NCOA6: variants seen among roughly 807,000 people sequenced by gnomAD.
NCOA6 encodes the protein NRC RAP250.
NCOA6 carries 49 observed loss-of-function variants against 171.4 expected under a neutral mutation model. The observed-to-expected ratio is 0.29, with a 90% CI of 0.23 to 0.36. The LOEUF (loss-of-function observed/expected upper bound fraction) is 0.36. Ranked by LOEUF, NCOA6 falls within the 10% of genes least tolerant of loss-of-function variation. The pLI, the probability that NCOA6 is intolerant of heterozygous loss-of-function variation, is 1.00. For missense variants in NCOA6, 2,248 were observed against 2,554.5 expected (o/e 0.88, Z 2.59); for synonymous variants, 910 against 927.5 (o/e 0.98, Z 0.34).
intron 12 of NCOA6, 114 bp downstream of exon 12, chr20:34,736,576 A>G: frequency 2.3e-6 from 2 of 862,904 alleles, no homozygotes; most frequent in East Asian, 2.7e-5. Context: ...AAGCAAACAG[A>G]TAAAATAGTT....
intron 1 of NCOA6, among the ~76,000 whole-genome samples, chr20:34,809,714 C>A (rs2078588497): frequency 6.6e-6 from 1 of 152,190 alleles, no homozygotes. Flanking sequence ...CGCCTGTAAT[C>A]CCAGCACTTT....
chr20:34,783,680 G>GGGGCACAA (rs2077577408), intron 2 of NCOA6, among the ~76,000 whole-genome samples: 1 of 152,120 alleles, frequency 6.6e-6, no homozygotes, highest in African/African-American at 2.4e-5. Context: ...CTGCACTGCG[G>GGGGCACAA]TGGCACAATT....
intron 13 of NCOA6, among the ~76,000 whole-genome samples, chr20:34,729,591 G>A (rs1990368886): frequency 3.9e-5 from 6 of 152,094 alleles, no homozygotes; most frequent in African/African-American, 1.2e-4. Context: ...TCAAAAGGCT[G>A]CCTCTTCTGG....
chr20:34,795,570 G>A (rs752858361), intron 1 of NCOA6, among the ~76,000 whole-genome samples: 4 of 152,164 alleles, frequency 2.6e-5, no homozygotes, highest in Non-Finnish European at 5.9e-5. Context: ...AATAAAACTG[G>A]TCTGGTCTCT....
chr20:34,739,041 C>T (rs1174135605), intron 11 of NCOA6: 1 of 433,032 alleles, frequency 2.3e-6, no homozygotes, highest in Non-Finnish European at 4.8e-6. Context: ...AGAGCTTCTT[C>T]ACTTAAGCCT....
In NCOA6 at chr20:34,781,418, A is replaced by C. The variant is rs539432199; in HGVS notation, c.235+703T>G. 2.6e-5 allele frequency among the ~76,000 whole-genome samples: 4 copies of C among 152,330 alleles called. No individual in the cohort carries two copies. In the East Asian group the frequency reaches 7.7e-4, roughly 29 times the overall value. On this transcript the variant is annotated intron_variant, in intron 3 of 14. Transcript: ENST00000359003. ...CCGTAAGATATGGACAGGTAATCTA[A>C]ATGTGTGAAGAAGCCAGATGGGAAC...
intron 14 of NCOA6, among the ~76,000 whole-genome samples, chr20:34,726,832 C>A (rs1262785726): frequency 1.3e-5 from 2 of 151,314 alleles, no homozygotes; most frequent in Non-Finnish European, 2.9e-5. Context: ...TGGCTCATGC[C>A]TGCAATTCCA....
At chr20:34,778,933 T>C in intron 3 of NCOA6, among the ~76,000 whole-genome samples, 1 of 132,158 alleles carries the variant, frequency 7.6e-6, no homozygotes, top group African/African-American at 3.0e-5. Flanking sequence ...CACTCCAGCC[T>C]GGGTGACAGA....
At chr20:34,781,863 C>T (rs891274710) in intron 3 of NCOA6, among the ~76,000 whole-genome samples, 1 of 152,098 alleles carries the variant, frequency 6.6e-6, no homozygotes, top group Non-Finnish European at 1.5e-5. Flanking sequence ...AAATTTGGGT[C>T]TTGAGAATTA....
intron 1 of NCOA6, among the ~76,000 whole-genome samples, chr20:34,809,249 T>A (rs963973209): frequency 3.3e-5 from 5 of 152,244 alleles, no homozygotes; most frequent in African/African-American, 1.2e-4. Context: ...TGAATGCTTT[T>A]TTATTAAGCA....
At chr20:34,731,286 C>T (rs1194703143) in intron 13 of NCOA6, among the ~76,000 whole-genome samples, 1 of 152,178 alleles carries the variant, frequency 6.6e-6, no homozygotes, top group African/African-American at 2.4e-5. Flanking sequence ...TCCCAAAGTG[C>T]TGGGATTACA....
At chr20:34,775,607 C>T (rs757378331) in intron 4 of NCOA6, among the ~76,000 whole-genome samples, 10 of 141,404 alleles carry the variant, frequency 7.1e-5, no homozygotes, top group Non-Finnish European at 1.4e-4. Flanking sequence ...ATCACTTGAA[C>T]CTGGGAGGTG....
chr20:34,822,237 A>G (rs181643388), intron 1 of NCOA6, among the ~76,000 whole-genome samples: 169 of 152,232 alleles, frequency 1.1e-3, no homozygotes, highest in African/African-American at 2.5e-3. Flanking sequence ...CCCTTCTCGA[A>G]GATCTTGAAT....
At chr20:34,811,783 A>T (rs2078673135) in intron 1 of NCOA6, among the ~76,000 whole-genome samples, 1 of 152,234 alleles carries the variant, frequency 6.6e-6, no homozygotes, top group Admixed American at 6.5e-5. Context: ...TTAAAAAATT[A>T]AGTTGGCCTT....
At chr20:34,747,784 T>A (rs955190588) in intron 9 of NCOA6, among the ~76,000 whole-genome samples, 1 of 152,204 alleles carries the variant, frequency 6.6e-6, no homozygotes, top group African/African-American at 2.4e-5. Flanking sequence ...AAGCAGATCG[T>A]CAGCACATCC....
intron 2 of NCOA6, among the ~76,000 whole-genome samples, chr20:34,788,580 T>C (rs917733333): frequency 6.6e-6 from 1 of 152,150 alleles, no homozygotes; most frequent in Non-Finnish European, 1.5e-5. Flanking sequence ...CTCAATTTGG[T>C]CTGGTGTTCA....
At chr20:34,792,954 A>AT (rs1470464067) in intron 1 of NCOA6, among the ~76,000 whole-genome samples, 2 of 150,794 alleles carry the variant, frequency 1.3e-5, no homozygotes, top group South Asian at 2.1e-4. Context: ...ATTTTTTTGT[A>AT]TTTTTTTTGG....
chr20:34,742,269 A>G lies in NCOA6; in HGVS notation c.3987T>C (p.Ser1329=), dbSNP rs1186722976. 1.2e-6 allele frequency: 2 copies of G among 1,614,202 alleles called. No individual in the cohort carries two copies. The highest frequency in any genetic ancestry group is 3.3e-5 in the Admixed American group (2 of 60,022). ...GATKRASPSN[S]RRSSPGSSRK... ...TACTGGACCCAGGACTAGACCTGCGACTGTTGCTTGGACTTGCCCGTTTTG... is the reference window on the plus strand; with the variant it reads ...TACTGGACCCAGGACTAGACCTGCGGCTGTTGCTTGGACTTGCCCGTTTTG... Residue 1329 remains serine (S), a synonymous_variant, in exon 11 of 15, where the codon AGT becomes AGC. Transcript: ENST00000359003.
intron 9 of NCOA6, 85 bp from the exon 10 acceptor site, chr20:34,747,013 A>G (rs2076327003): frequency 2.3e-6 from 3 of 1,277,684 alleles, no homozygotes; most frequent in Non-Finnish European, 3.1e-6. Flanking sequence ...CCCTTCCCCT[A>G]TTTCTGAAGA....
Sources: allele counts gnomAD v4.1 joint callset (sites outside exome capture counted in the v4.1 genomes callset), GRCh38; gene constraint gnomAD v4.1.1; transcripts MANE v1.5; gene names NCBI Gene and HGNC (gene_info 2026-07-23, HGNC 2026-07-21).